The following GABRB1 variants were observed in gnomAD, a reference collection of about 807,000 sequenced individuals.
GABRB1 encodes gamma-aminobutyric acid type A receptor subunit beta1, also known as gamma-aminobutyric acid receptor subunit beta-1.
Under a neutral mutation model 51.6 loss-of-function variants are expected in GABRB1, and 17 were observed. The ratio of observed to expected loss-of-function variants is 0.33; its 90% CI spans 0.23 to 0.49. The LOEUF (loss-of-function observed/expected upper bound fraction) is 0.49. Among genes scored for constraint, GABRB1 ranks in the 20% least tolerant of loss-of-function variants. GABRB1 has a pLI of 0.99. For synonymous variants in GABRB1, 247 were observed against 218.9 expected (o/e 1.13, Z -1.14); for missense variants, 410 against 600.6 (o/e 0.68, Z 3.32).
At chr4:47,316,922 C>T (rs1191042146) in intron 4 of GABRB1, among the ~76,000 whole-genome samples, 1 of 151,612 alleles carries the variant, frequency 6.6e-6, no homozygotes, top group African/African-American at 2.4e-5. Context: ...CATCATAATC[C>T]CTGCTTTTAT....
At chr4:47,339,976 A>C (rs373781754) in intron 5 of GABRB1, among the ~76,000 whole-genome samples, 8 of 152,166 alleles carry the variant, frequency 5.3e-5, no homozygotes, top group East Asian at 3.9e-4. Flanking sequence ...CCAAAGTGCT[A>C]ACTATAACTT....
Position 47,031,709 on chromosome 4 carries a change from A to G in GABRB1, c.58A>G (p.Thr20Ala). ...GCTTCTCTCTTTCCCTGTGATGATTACCATGGTCTGTTGTGCACACAGGTG... is the reference window on the plus strand; with the variant it reads ...GCTTCTCTCTTTCCCTGTGATGATTGCCATGGTCTGTTGTGCACACAGGTG... ...LGLLSFPVMI[T>A]MVCCAHSTNE... Residue 20 changes from threonine to alanine, a missense_variant, in exon 1 of 9, where the codon ACC becomes GCC. Thr to Ala is a moderately conservative substitution (Grantham distance 58). Around this residue, in one of 5 missense-constraint regions of GABRB1, gnomAD observed 56 missense variants for 54.8 expected, o/e 1.02. Coordinates refer to ENST00000295454, the MANE Select transcript of GABRB1 (RefSeq NM_000812.4). 1 of 1,613,176 alleles carries G rather than the reference A, an allele frequency of 6.2e-7. No individual in the cohort carries two copies. Among genetic ancestry groups the G allele is most frequent in the Non-Finnish European group, 8.5e-7 (1 of 1,179,138 alleles).
Position 47,322,997 on chromosome 4 carries a change from C to T in GABRB1, c.544+2788C>T, listed in dbSNP as rs900144508. On this transcript the variant is annotated intron_variant, in intron 5 of 8. Coordinates refer to ENST00000295454, the MANE Select transcript of GABRB1 (RefSeq NM_000812.4). ...ACAACAACAACAACAACAACAACAA[C>T]AATAATAATAATAATTAGAAGTATA... Among the ~76,000 whole-genome samples the T allele has an allele frequency of 3.1e-3, 369 of 119,522 alleles. 2 individuals carry two copies. Among genetic ancestry groups the T allele is most frequent in the African/African-American group, 9.7e-3 (306 of 31,512 alleles). The allele number at this position is 119,522 out of a possible 152,430, so 78.4% of individuals were successfully genotyped here.
intron 5 of GABRB1, among the ~76,000 whole-genome samples, chr4:47,358,924 C>T (rs139572966): frequency 2.0e-5 from 3 of 152,224 alleles, no homozygotes; most frequent in African/African-American, 4.8e-5. Flanking sequence ...CTGTTCATAA[C>T]CACCATTAAA....
At chr4:47,275,188 C>T (rs1723029826) in intron 4 of GABRB1, among the ~76,000 whole-genome samples, 1 of 152,144 alleles carries the variant, frequency 6.6e-6, no homozygotes, top group Non-Finnish European at 1.5e-5. Context: ...ATGTTTACTT[C>T]AAGTTAGCCT....
intron 1 of GABRB1, among the ~76,000 whole-genome samples, chr4:47,003,526 G>C (rs551443815): frequency 1.3e-5 from 2 of 152,264 alleles, no homozygotes; most frequent in African/African-American, 4.8e-5. Context: ...TTTCAGACTT[G>C]ACAGACACTG....
intron 4 of GABRB1, among the ~76,000 whole-genome samples, chr4:47,300,161 G>T (rs567516022): frequency 6.6e-6 from 1 of 151,436 alleles, no homozygotes; most frequent in African/African-American, 2.4e-5. Flanking sequence ...TAATGGGTGC[G>T]GCACACTAGC....
chr4:47,123,413 C>T (rs1192662762), intron 3 of GABRB1, among the ~76,000 whole-genome samples: 11 of 112,076 alleles, frequency 9.8e-5, no homozygotes, highest in African/African-American at 3.8e-4. Flanking sequence ...TACATATATA[C>T]ACATATATAT....
At chr4:47,339,100 T>C (rs1725796534) in intron 5 of GABRB1, among the ~76,000 whole-genome samples, 1 of 152,192 alleles carries the variant, frequency 6.6e-6, no homozygotes, top group Non-Finnish European at 1.5e-5. Flanking sequence ...GCCCCAGCTC[T>C]AATGTACCTT....
chr4:47,107,873 G>A (rs955704623), intron 3 of GABRB1, among the ~76,000 whole-genome samples: 2 of 151,986 alleles, frequency 1.3e-5, no homozygotes, highest in Non-Finnish European at 2.9e-5. Context: ...CTTTTAGATA[G>A]TATCACTTAA....
intron 3 of GABRB1, among the ~76,000 whole-genome samples, chr4:47,139,098 A>T (rs966034187): frequency 3.3e-5 from 5 of 152,160 alleles, no homozygotes; most frequent in Admixed American, 1.3e-4. Context: ...CAAGTATAGA[A>T]TAACTTTAAA....
Position 47,111,239 on chromosome 4 carries a change from G to A in GABRB1, c.241-50010G>A, listed in dbSNP as rs199959878. 3.9e-5 allele frequency among the ~76,000 whole-genome samples: 6 copies of A among 152,066 alleles called. No individual in the cohort carries two copies. The East Asian group carries it at 7.7e-4, about 20-fold the overall frequency. ...TGACAGTTGAAGATAATTTTTCAAC[G>A]TCTCACAAATATCTGGCATTATTAA... On this transcript the variant is annotated intron_variant, in intron 3 of 8. Transcript: ENST00000295454.
intron 5 of GABRB1, among the ~76,000 whole-genome samples, chr4:47,349,805 G>A (rs879478073): frequency 6.6e-6 from 1 of 152,200 alleles, no homozygotes; most frequent in Non-Finnish European, 1.5e-5. Context: ...TGGAATAGAG[G>A]AAAGAGCATA....
At chr4:47,382,794 C>G (rs1196870140) in intron 5 of GABRB1, among the ~76,000 whole-genome samples, 1 of 152,176 alleles carries the variant, frequency 6.6e-6, no homozygotes, top group Non-Finnish European at 1.5e-5. Flanking sequence ...CTTCCTATTT[C>G]ATGGACATCA....
At chr4:47,057,551 G>A (rs1726666282) in intron 3 of GABRB1, among the ~76,000 whole-genome samples, 1 of 152,208 alleles carries the variant, frequency 6.6e-6, no homozygotes, top group South Asian at 2.1e-4. Context: ...GATATTTTAA[G>A]TAGCGTATCC....
chr4:47,040,713 A>G (rs767361306), intron 3 of GABRB1, among the ~76,000 whole-genome samples: 6 of 152,198 alleles, frequency 3.9e-5, no homozygotes, highest in Non-Finnish European at 7.4e-5. Flanking sequence ...TTCACAAATA[A>G]GGTGAGCTCT....
intron 5 of GABRB1, among the ~76,000 whole-genome samples, chr4:47,367,670 T>C (rs1727027255): frequency 6.6e-6 from 1 of 152,224 alleles, no homozygotes; most frequent in Admixed American, 6.5e-5. Context: ...CTCCAACCTT[T>C]ATCTCCTCAA....
chr4:47,364,541 T>C (rs1726914822), intron 5 of GABRB1, among the ~76,000 whole-genome samples: 1 of 149,682 alleles, frequency 6.7e-6, no homozygotes, highest in Admixed American at 6.6e-5. Flanking sequence ...AAAGCAAAAT[T>C]TCAGGCTGAA....
chr4:47,262,514 G>T (rs1204842635), intron 4 of GABRB1, among the ~76,000 whole-genome samples: 24 of 152,172 alleles, frequency 1.6e-4, no homozygotes, highest in Admixed American at 1.3e-3. Flanking sequence ...ACACCAGTTA[G>T]AATGGCGATC....
Sources: allele counts gnomAD v4.1 joint callset (sites outside exome capture counted in the v4.1 genomes callset), GRCh38; gene constraint gnomAD v4.1.1; regional missense constraint gnomAD v4.1.1; transcripts MANE v1.5; gene names NCBI Gene and HGNC (gene_info 2026-07-23, HGNC 2026-07-21).